RAB2A: variants seen among roughly 807,000 people sequenced by gnomAD.
The protein encoded by RAB2A is ras-related protein Rab-2A.
RAB2A carries 7 observed loss-of-function variants against 32.5 expected under a neutral mutation model. That is an observed-to-expected ratio of 0.22 (90% confidence interval 0.12 to 0.40). The LOEUF is 0.40. Ranked by LOEUF, RAB2A falls within the 10% of genes least tolerant of loss-of-function variation. The probability of loss-of-function intolerance (pLI) is 1.00; values close to 1 mark genes in which losing one functional copy is unlikely to be tolerated. For synonymous variants in RAB2A, 79 were observed against 85.2 expected (o/e 0.93, Z 0.40); for missense variants, 108 against 260.7 (o/e 0.41, Z 4.03).
At chr8:60,535,089 T>G (rs746350515) in intron 1 of RAB2A, among the ~76,000 whole-genome samples, 2 of 152,176 alleles carry the variant, frequency 1.3e-5, no homozygotes, top group Non-Finnish European at 2.9e-5. Context: ...GTAGTATTCT[T>G]AAGAGATTTT....
intron 3 of RAB2A, among the ~76,000 whole-genome samples, chr8:60,577,603 G>C (rs141729296): frequency 1.5e-4 from 22 of 151,668 alleles, no homozygotes; most frequent in African/African-American, 4.1e-4. Context: ...CTCAATTATA[G>C]CAGTTCCTTG....
At chr8:60,530,038 A>G (rs928056779) in intron 1 of RAB2A, among the ~76,000 whole-genome samples, 1 of 149,448 alleles carries the variant, frequency 6.7e-6, no homozygotes, top group African/African-American at 2.5e-5. Flanking sequence ...TAGCATTATC[A>G]TGACTTGCAG....
At position 60,520,939 on chromosome 8, in the gene RAB2A, T is replaced by C. The variant is rs1195587908; in HGVS notation, c.46+3686T>C. Among the ~76,000 whole-genome samples the C allele has an allele frequency of 2.6e-5, 4 of 152,104 alleles. 1 individual carries two copies. Among genetic ancestry groups the C allele is most frequent in the Non-Finnish European group, 4.4e-5 (3 of 68,022 alleles). On this transcript the variant is annotated intron_variant, in intron 1 of 7. Transcript: ENST00000262646. ...CTAAGCAATCCTCCCACCTAAGTCT[T>C]CCAAGTAGCTGGGAACACAGGCACA...
At chr8:60,571,049 T>C (rs1307316946) in intron 2 of RAB2A, among the ~76,000 whole-genome samples, 3 of 152,226 alleles carry the variant, frequency 2.0e-5, no homozygotes, top group Non-Finnish European at 4.4e-5. Flanking sequence ...TATACTACTT[T>C]CAGAGTTGTC....
Position 60,543,291 on chromosome 8 carries a change from A to C in RAB2A, c.47-15561A>C, listed in dbSNP as rs535159554. Among the ~76,000 whole-genome samples the C allele has an allele frequency of 4.0e-5, 6 of 151,016 alleles. No homozygotes were observed. In the East Asian group the frequency reaches 1.2e-3, roughly 29 times the overall value. On this transcript the variant is annotated intron_variant, in intron 1 of 7. Transcript: ENST00000262646. ...TGTTCTCTCAGAAGGCTCCAGGGAG[A>C]ATCCTGCCTTACCTCTTCCAGCTTG...
At chr8:60,537,772 C>G (rs1219344097) in intron 1 of RAB2A, among the ~76,000 whole-genome samples, 1 of 152,078 alleles carries the variant, frequency 6.6e-6, no homozygotes, top group Admixed American at 6.6e-5. Context: ...CCTTGACCTC[C>G]CTGGCTCAAG....
chr8:60,544,497 T>G (rs1257114982), intron 1 of RAB2A, among the ~76,000 whole-genome samples: 2 of 151,942 alleles, frequency 1.3e-5, no homozygotes, highest in Non-Finnish European at 2.9e-5. Flanking sequence ...CATTTTATCA[T>G]TTGAGCCTCA....
chr8:60,527,845 G>A (rs902993896), intron 1 of RAB2A, among the ~76,000 whole-genome samples: 4 of 152,126 alleles, frequency 2.6e-5, no homozygotes, highest in Admixed American at 1.3e-4. Flanking sequence ...TATAGCGAGT[G>A]TAAATATACA....
At position 60,622,583 on chromosome 8, in the gene RAB2A, T is replaced by C. The variant is rs1804546397; in HGVS notation, c.*1814T>C. ...GTACTGCTCTATACCAAGAAGAGAA[T>C]GATTCTTTGGAAATTGTTATTTTTA... On this transcript the variant is annotated 3_prime_UTR_variant, in exon 8 of 8. Transcript: ENST00000262646. 1 of 152,228 alleles carries C rather than the reference T, an allele frequency of 6.6e-6. No homozygotes were observed. The highest frequency in any genetic ancestry group is 6.5e-5 in the Admixed American group (1 of 15,278). The allele number at this position is 152,228 out of a possible 1,614,324, so 9.4% of individuals were successfully genotyped here.
chr8:60,595,376 T>C (rs1264267859), intron 6 of RAB2A, among the ~76,000 whole-genome samples: 1 of 152,216 alleles, frequency 6.6e-6, no homozygotes, highest in East Asian at 1.9e-4. Flanking sequence ...GAAAACAAAG[T>C]AAAATGTCAG....
At chr8:60,608,753 T>G (rs1024294683) in intron 6 of RAB2A, among the ~76,000 whole-genome samples, 1 of 152,136 alleles carries the variant, frequency 6.6e-6, no homozygotes, top group African/African-American at 2.4e-5. Context: ...CCTAGACAGT[T>G]GTGCTGAGTG....
chr8:60,602,694 C>T (rs1804154084), intron 6 of RAB2A, among the ~76,000 whole-genome samples: 1 of 152,174 alleles, frequency 6.6e-6, no homozygotes, highest in Admixed American at 6.5e-5. Flanking sequence ...AGAATTAGAT[C>T]CAAGGAGGTA....
intron 1 of RAB2A, among the ~76,000 whole-genome samples, chr8:60,529,597 T>G (rs1807445577): frequency 2.0e-5 from 3 of 152,220 alleles, no homozygotes; most frequent in Non-Finnish European, 4.4e-5. Context: ...TTTGCATATT[T>G]GGTTCATACT....
intron 6 of RAB2A, among the ~76,000 whole-genome samples, chr8:60,600,227 G>T (rs1418688828): frequency 6.6e-6 from 1 of 152,178 alleles, no homozygotes; most frequent in South Asian, 2.1e-4. Context: ...GCCAGGCCTG[G>T]TTGGTGTAAG....
chr8:60,536,208 A>G (rs1807554173), intron 1 of RAB2A, among the ~76,000 whole-genome samples: 2 of 152,218 alleles, frequency 1.3e-5, no homozygotes, highest in South Asian at 2.1e-4. Context: ...AGGCTAACCA[A>G]CATTAATTGT....
Position 60,598,518 on chromosome 8 carries a change from C to T in RAB2A, c.474+6549C>T, listed in dbSNP as rs375993706. On this transcript the variant is annotated intron_variant, in intron 6 of 7. Coordinates refer to ENST00000262646, the MANE Select transcript of RAB2A (RefSeq NM_002865.3). ...AACAAAATACCAGAAAATAGAATTTCAACAATATACGAAATTGTGTATGTG... is the reference window on the plus strand; with the variant it reads ...AACAAAATACCAGAAAATAGAATTTTAACAATATACGAAATTGTGTATGTG... 3.5e-4 allele frequency among the ~76,000 whole-genome samples: 53 copies of T among 150,496 alleles called. 1 individual carries two copies. The South Asian group carries it at 0.011, about 31-fold the overall frequency.
chr8:60,584,994 A>G (rs1409776550), intron 5 of RAB2A, among the ~76,000 whole-genome samples, 179 bp downstream of exon 5: 1 of 152,196 alleles, frequency 6.6e-6, no homozygotes, highest in African/African-American at 2.4e-5. Context: ...TTTGTTGGAA[A>G]TTATTACTGT....
intron 1 of RAB2A, among the ~76,000 whole-genome samples, chr8:60,547,829 G>T (rs574127220): frequency 8.9e-5 from 11 of 123,700 alleles, no homozygotes; most frequent in South Asian, 5.7e-4. Flanking sequence ...CCGGGCGGGG[G>T]GCTGACCCCC....
At chr8:60,540,771 C>T (rs1397227816) in intron 1 of RAB2A, among the ~76,000 whole-genome samples, 2 of 152,112 alleles carry the variant, frequency 1.3e-5, no homozygotes, top group Non-Finnish European at 2.9e-5. Flanking sequence ...TGTGAGCCAC[C>T]GTGCCCAGCC....
Sources: gnomAD v4.1 joint callset for allele counts (sites outside exome capture counted in the v4.1 genomes callset) on GRCh38, gnomAD v4.1.1 for gene constraint, MANE v1.5 for transcripts, NCBI Gene and HGNC (gene_info 2026-07-23, HGNC 2026-07-21) for gene names.